Variants in KCP observed in about 807,000 individuals in gnomAD.
The protein encoded by KCP is kielin/chordin-like protein.
A neutral mutation model predicts 212.7 loss-of-function variants in KCP; 194 were observed. That is an observed-to-expected ratio of 0.91 (90% confidence interval 0.81 to 1.03). The LOEUF (loss-of-function observed/expected upper bound fraction) is 1.03, where lower values mean the gene tolerates loss of function less well. KCP is among the 50% of genes least tolerant of loss of function. The probability of loss-of-function intolerance (pLI) is 0.00; values close to 1 mark genes in which losing one functional copy is unlikely to be tolerated. For missense variants in KCP, 2,080 were observed against 2,162.5 expected, an observed-to-expected ratio of 0.96 and a Z score of 0.76; for synonymous variants, 833 against 865.3, an observed-to-expected ratio of 0.96 and a Z score of 0.65.
In KCP at chr7:128,883,993, T is replaced by C. The variant is rs1563023547; in HGVS notation, c.3244+9A>G. ...CATATCTCATCTACCCCCACATCCC[T>C]GGACTCACCGGCACAGGTGGGACAG... On this transcript the variant is annotated intron_variant, in intron 29 of 39. Transcript: ENST00000610776. 6.5e-7 allele frequency: 1 copy of C among 1,547,786 alleles called. No homozygotes were observed. The highest frequency in any genetic ancestry group is 8.7e-7 in the Non-Finnish European group (1 of 1,146,104).
At chr7:128,885,697 C>T (rs528358037) in intron 26 of KCP, among the ~76,000 whole-genome samples, 1 of 152,290 alleles carries the variant, frequency 6.6e-6, no homozygotes, top group South Asian at 2.1e-4. Flanking sequence ...TGCCTCCCTC[C>T]CAGAGCAAGT....
Position 128,879,802 on chromosome 7 carries a change from GC to G in KCP, c.3959del (p.Gly1320AlafsTer54). On this transcript the variant is annotated frameshift_variant, in exon 36 of 40. Coordinates refer to ENST00000610776, the MANE Select transcript of KCP (RefSeq NM_001366122.1). LOFTEE classifies it high-confidence loss of function. ...CCTGGGTCCAGGCCACACCGCTCCG[GC>G]CCCGGTCATCATTGGTCACGTGCAC... ...FSVHVTNDDR[G>X]RSGVAWTQEV... The G allele has an allele frequency of 6.4e-7, 1 of 1,550,846 alleles. No individual in the cohort carries two copies. Among genetic ancestry groups the G allele is most frequent in the Non-Finnish European group, 8.7e-7 (1 of 1,146,972 alleles).
chr7:128,904,067 A>C lies in KCP; in HGVS notation c.643T>G (p.Cys215Gly), dbSNP rs1244856579. ...FLSSSNPCLQ[C>G]TCLRSRVRCM... ...ACAGGTGGACTCACCAGGCAGGTGC[A>C]CTGTAGACAAGGGTTGGAGCTGGAC... is the stretch of plus-strand genomic sequence containing the variant. The change falls in exon 6 of 40, where the codon TGC (cysteine) becomes GGC (glycine). Residue 215 changes from cysteine to glycine, a missense_variant. Transcript: ENST00000610776. The C allele has an allele frequency of 3.9e-6, 6 of 1,551,546 alleles. No individual in the cohort carries two copies. Among genetic ancestry groups the C allele is most frequent in the Non-Finnish European group, 5.2e-6 (6 of 1,146,896 alleles).
chr7:128,880,173 G>A (rs1203444741), intron 34 of KCP, 88 bp from the exon 35 acceptor site: 2 of 1,398,484 alleles, frequency 1.4e-6, no homozygotes, highest in Admixed American at 2.4e-5. Context: ...CATCTCCCAG[G>A]AGTCTCCAGG....
intron 7 of KCP, 79 bp from the exon 8 acceptor site, chr7:128,902,938 GT>G: frequency 9.5e-7 from 1 of 1,055,608 alleles, no homozygotes. Context: ...CGCCTTCCTT[GT>G]CCACATGCCC....
intron 38 of KCP, 139 bp from the exon 39 acceptor site, chr7:128,877,929 G>T: frequency 1.3e-6 from 1 of 759,202 alleles, no homozygotes; most frequent in Non-Finnish European, 2.1e-6. Flanking sequence ...ATGAAGTACT[G>T]TCTACCTTCT....
chr7:128,883,983 C>G lies in KCP; in HGVS notation c.3244+19G>C. On this transcript the variant is annotated intron_variant, in intron 29 of 39. Coordinates refer to ENST00000610776, the MANE Select transcript of KCP (RefSeq NM_001366122.1). ...GCCCTAACCTCATATCTCATCTACC[C>G]CCACATCCCTGGACTCACCGGCACA... 6.5e-7 allele frequency: 1 copy of G among 1,545,502 alleles called. No homozygotes were observed. Among genetic ancestry groups the G allele is most frequent in the Non-Finnish European group, 8.7e-7 (1 of 1,145,152 alleles).
At chr7:128,902,230 A>G (rs1467112313) in intron 8 of KCP, among the ~76,000 whole-genome samples, 2 of 152,258 alleles carry the variant, frequency 1.3e-5, no homozygotes, top group African/African-American at 4.8e-5. Flanking sequence ...AACAGATGAA[A>G]TTAATTTTAA....
chr7:128,891,926 G>A, intron 16 of KCP, 107 bp from the exon 17 acceptor site: 1 of 814,258 alleles, frequency 1.2e-6, no homozygotes, highest in East Asian at 2.9e-5. Flanking sequence ...CTGACTCGAG[G>A]GGAAAGAGGA....
rs992964522 is a variant in KCP at position 128,878,724 on chromosome 7, T to G, written c.4147-2A>C. 56 of 1,548,438 alleles carry G rather than the reference T, an allele frequency of 3.6e-5. No homozygotes were observed. Among genetic ancestry groups the G allele is most frequent in the African/African-American group, 6.8e-5 (5 of 73,042 alleles). On this transcript the variant is annotated splice_acceptor_variant, in intron 37 of 39. Transcript: ENST00000610776. LOFTEE classifies it high-confidence loss of function. The stretch of plus-strand genomic sequence containing the variant: ...CTGGGACTGCCCATCCCACAGCACC[T>G]GTGTGGAGAGGCCTGAGACTGGGGA...
In KCP at chr7:128,894,237, G is replaced by A; in HGVS notation, c.888C>T (p.Ala296=). 6.5e-7 allele frequency: 1 copy of A among 1,541,818 alleles called. No homozygotes were observed. Among genetic ancestry groups the A allele is most frequent in the Non-Finnish European group, 8.8e-7 (1 of 1,140,304 alleles). ...RECASLCPYP[A]RPLPGTCCPV... ...GGCAGCAGGTGCCTGGGAGGGGCCGGGCTGGGTATGGACACAGGCTGGCAC... is the reference window on the plus strand; with the variant it reads ...GGCAGCAGGTGCCTGGGAGGGGCCGAGCTGGGTATGGACACAGGCTGGCAC... The change falls in exon 9 of 40, where the codon GCC becomes GCT. Residue 296 remains alanine (A), a synonymous_variant. Transcript: ENST00000610776.
intron 16 of KCP, 135 bp downstream of exon 16, chr7:128,892,379 A>G: frequency 1.5e-6 from 1 of 652,276 alleles, no homozygotes; most frequent in Non-Finnish European, 2.6e-6. Context: ...AGTTCCAGAG[A>G]GTTCTAAGCT....
chr7:128,890,370 T>C lies in KCP; in HGVS notation c.2308A>G (p.Arg770Gly), dbSNP rs898146560. 2.2e-5 allele frequency: 34 copies of C among 1,551,264 alleles called. No homozygotes were observed. The highest frequency in any genetic ancestry group is 3.9e-5 in the Admixed American group (2 of 50,990). ...CAPALCPFPA[R>G]GDCCPDCDGC... is the part of the protein sequence containing the mutation. Reference sequence around the variant, plus strand: ...TCACAGTCAGGGCAGCAGTCGCCCCTGGCAGGGAAGGGGCACAGTGCAGGG... The same window carrying C: ...TCACAGTCAGGGCAGCAGTCGCCCCCGGCAGGGAAGGGGCACAGTGCAGGG... The change falls in exon 21 of 40, where the codon AGG becomes GGG. Residue 770 changes from arginine (R) to glycine (G), a missense_variant. Physicochemically the swap from Arg to Gly is moderately radical, Grantham distance 125. Transcript: ENST00000610776.
chr7:128,887,627 CCACA>C (rs1158986264), intron 22 of KCP, among the ~76,000 whole-genome samples: 3 of 146,808 alleles, frequency 2.0e-5, no homozygotes, highest in African/African-American at 5.0e-5. Flanking sequence ...CCACACACAG[CCACA>C]CACACATACA....
In KCP at chr7:128,906,304, T is replaced by G. The variant is rs914513602; in HGVS notation, c.546A>C (p.Gly182=). The change falls in exon 5 of 40, where the codon GGA becomes GGC. Residue 182 remains glycine, a synonymous_variant. Coordinates refer to ENST00000610776, the MANE Select transcript of KCP (RefSeq NM_001366122.1). ...PCPRGPCPEP[G]ACCPHCKPGC... ...CTGGCTTACAGTGCGGGCAGCATGC[T>G]CCTGGCTCAGGGCAGGGTCCTCTTG... 4 of 1,550,902 alleles carry G rather than the reference T, an allele frequency of 2.6e-6. No individual in the cohort carries two copies. In the African/African-American group the frequency reaches 5.5e-5, roughly 21 times the overall value.
rs1291173760 is a variant in KCP, at chr7:128,893,793, G to T, written c.1099+13C>A. ...GGCCTGCCCCTCCCGCAGAGACCCC[G>T]GCCCCCACTCACCATCGCAGACAGG... On this transcript the variant is annotated intron_variant, in intron 11 of 39. Coordinates refer to ENST00000610776, the MANE Select transcript of KCP (RefSeq NM_001366122.1). The T allele has an allele frequency of 6.5e-7, 1 of 1,548,848 alleles. No homozygotes were observed. Among genetic ancestry groups the T allele is most frequent in the Admixed American group, 2.0e-5 (1 of 50,970 alleles).
Position 128,877,093 on chromosome 7 carries a change from G to A in KCP, c.4837C>T (p.Pro1613Ser). 2 of 1,519,942 alleles carry A rather than the reference G, an allele frequency of 1.3e-6. No individual in the cohort carries two copies. Among genetic ancestry groups the A allele is most frequent in the Non-Finnish European group, 1.8e-6 (2 of 1,138,326 alleles). The allele number at this position is 1,519,942 out of a possible 1,614,324, so 94.2% of individuals were successfully genotyped here. A position where few individuals can be genotyped will look rare whatever the true frequency, so the allele number is the denominator to read the frequency against. Reference sequence around the variant, plus strand: ...CTGGGGCTGGGCCGAGCACCAAGTGGCTGGTCTCCAGTGAGCAGGACTTGG... The same window carrying A: ...CTGGGGCTGGGCCGAGCACCAAGTGACTGGTCTCCAGTGAGCAGGACTTGG... ...CPQVLLTGDQ[P>S]LGARPSPSRE... The change falls in exon 40 of 40, where the codon CCA becomes TCA. Residue 1613 changes from proline to serine, a missense_variant. By Grantham distance (74) the Pro-to-Ser change is moderately conservative (BLOSUM62 -1). Transcript: ENST00000610776.
At chr7:128,887,428 CACAT>C in intron 22 of KCP, 128 bp from the exon 23 acceptor site, 1 of 727,550 alleles carries the variant, frequency 1.4e-6, no homozygotes, top group East Asian at 2.7e-5. Flanking sequence ...GCCACACACA[CACAT>C]ACCCATATAC....
intron 1 of KCP, among the ~76,000 whole-genome samples, chr7:128,909,616 C>T (rs1795325964): frequency 6.6e-6 from 1 of 152,118 alleles, no homozygotes; most frequent in Non-Finnish European, 1.5e-5. Context: ...TCCACCATCT[C>T]CATTCAGAAG....
Sources: allele counts gnomAD v4.1 joint callset (sites outside exome capture counted in the v4.1 genomes callset), GRCh38; gene constraint gnomAD v4.1.1; transcripts MANE v1.5; gene names NCBI Gene and HGNC (gene_info 2026-07-23, HGNC 2026-07-21).